Variants in CTSH observed in about 807,000 individuals in gnomAD.
CTSH encodes the protein cathepsin H, also known as pro-cathepsin H.
In CTSH, 52 loss-of-function variants were observed where a neutral mutation model predicts 56.3. The ratio of observed to expected loss-of-function variants is 0.92; its 90% confidence interval spans 0.74 to 1.16. The LOEUF (loss-of-function observed/expected upper bound fraction) is 1.16. Among genes scored for constraint, CTSH ranks in the 50% most tolerant of loss-of-function variants. CTSH has a pLI of 0.00. For missense variants in CTSH, 406 were observed against 424.5 expected, an observed-to-expected ratio of 0.96 and a Z score of 0.38; for synonymous variants, 174 against 155.7, an observed-to-expected ratio of 1.12 and a Z score of -0.88.
At chr15:78,943,104 T>C (rs3825932) in intron 1 of CTSH, among the ~76,000 whole-genome samples, 76,365 of 151,994 alleles carry the variant, frequency 0.5, 22,662 homozygotes, top group Non-Finnish European at 0.68. Flanking sequence ...AGTTTGCCTC[T>C]GGAGAGATTA....
chr15:78,925,200 G>A (rs962749747), intron 10 of CTSH, 134 bp downstream of exon 10: 1 of 613,746 alleles, frequency 1.6e-6, no homozygotes, highest in Non-Finnish European at 3.0e-6. Context: ...AAAACGCCCA[G>A]CACCTGGCAG....
intron 11 of CTSH, 94 bp from the exon 12 acceptor site, chr15:78,922,299 G>T: frequency 1.1e-6 from 1 of 945,134 alleles, no homozygotes; most frequent in East Asian, 2.6e-5. Context: ...TGACTTCAGG[G>T]GTGAGACCCT....
intron 1 of CTSH, among the ~76,000 whole-genome samples, chr15:78,944,274 G>A (rs898140103): frequency 5.9e-5 from 9 of 152,212 alleles, no homozygotes; most frequent in Non-Finnish European, 1.0e-4. Flanking sequence ...CAGGATGCAA[G>A]GGCAGCACGA....
intron 4 of CTSH, 90 bp downstream of exon 4, chr15:78,935,590 T>C (rs550652033): frequency 8.9e-7 from 1 of 1,118,488 alleles, no homozygotes; most frequent in South Asian, 1.4e-5. Flanking sequence ...GGGATGGGAC[T>C]GAATCTGCCT....
intron 2 of CTSH, among the ~76,000 whole-genome samples, chr15:78,938,335 C>T (rs1224903705): frequency 6.6e-6 from 1 of 151,788 alleles, no homozygotes; most frequent in East Asian, 1.9e-4. Flanking sequence ...TGCCACTGCA[C>T]TTCAGCCTGG....
At chr15:78,941,561 G>A (rs1730594328) in intron 1 of CTSH, among the ~76,000 whole-genome samples, 1 of 152,008 alleles carries the variant, frequency 6.6e-6, no homozygotes, top group Admixed American at 6.6e-5. Context: ...GAGAGGCTGA[G>A]ACGGGCGGAT....
At chr15:78,923,585 G>T (rs529918178) in intron 10 of CTSH, among the ~76,000 whole-genome samples, 1 of 152,044 alleles carries the variant, frequency 6.6e-6, no homozygotes, top group African/African-American at 2.4e-5. Context: ...CACCGCACCC[G>T]GCCCTTTCAG....
intron 7 of CTSH, among the ~76,000 whole-genome samples, chr15:78,930,513 C>T (rs891012308): frequency 1.3e-5 from 2 of 150,780 alleles, no homozygotes; most frequent in East Asian, 1.9e-4. Context: ...GGCAACAGAG[C>T]GAGACTCCAT....
rs1319843128 is a variant in CTSH at position 78,944,927 on chromosome 15, C to T, written c.55G>A (p.Val19Ile). 1 of 1,548,540 alleles carries T rather than the reference C, an allele frequency of 6.5e-7. No homozygotes were observed. The highest frequency in any genetic ancestry group is 2.5e-5 in the East Asian group (1 of 40,812). Residue 19 changes from valine to isoleucine, a missense_variant, in exon 1 of 12, where the codon GTC becomes ATC. By Grantham distance (29) the Val-to-Ile change is conservative. Transcript: ENST00000220166. The part of the protein sequence containing the change: ...CAGAWLLGVP[V>I]CGAAELCVNS... The stretch of plus-strand genomic sequence containing the variant: ...ACGCACAGTTCGGCGGCACCGCAGA[C>T]GGGGACTCCCAGGAGCCAGGCCCCG...
At chr15:78,939,269 A>G in intron 1 of CTSH, 98 bp from the exon 2 acceptor site, 1 of 942,258 alleles carries the variant, frequency 1.1e-6, no homozygotes, top group South Asian at 1.6e-5. Context: ...ATTTTCGAAA[A>G]CTGGACTAAA....
chr15:78,928,186 A>AGGC (rs879594082), intron 8 of CTSH, among the ~76,000 whole-genome samples: 17,694 of 152,148 alleles, frequency 0.12, 1,152 homozygotes, highest in Middle Eastern at 0.2. Context: ...GCAGGAGAGA[A>AGGC]GGCAGCAGGA....
intron 10 of CTSH, 28 bp downstream of exon 10, chr15:78,925,306 C>T (rs137865366): frequency 3.4e-6 from 5 of 1,457,534 alleles, no homozygotes; most frequent in East Asian, 4.5e-5. Context: ...CCCCACTGTC[C>T]CTCCTGGCTC....
At chr15:78,936,242 C>T (rs538223068) in intron 3 of CTSH, among the ~76,000 whole-genome samples, 167 of 146,614 alleles carry the variant, frequency 1.1e-3, no homozygotes, top group South Asian at 1.1e-3. Context: ...GAGGCAGGGA[C>T]GCGATCTTGG....
At position 78,932,288 on chromosome 15, in the gene CTSH, C is replaced by T. The variant is rs147587459; in HGVS notation, c.492+84G>A. ...CCTGAAACAGCACCCTTAGCCAATG[C>T]TCCAGGGAAACCAAAGGCCCAGGCC... On this transcript the variant is annotated intron_variant, in intron 6 of 11. Coordinates refer to ENST00000220166, the MANE Select transcript of CTSH (RefSeq NM_004390.5). The T allele has an allele frequency of 3.1e-5, 40 of 1,271,564 alleles. No homozygotes were observed. In the African/African-American group the frequency reaches 4.8e-4, roughly 15 times the overall value. The allele number at this position is 1,271,564 out of a possible 1,614,324, so 78.8% of individuals were successfully genotyped here.
In CTSH at chr15:78,935,737, T is replaced by C. The variant is rs1207770696; in HGVS notation, c.243A>G (p.Gln81=). 1 of 1,611,252 alleles carries C rather than the reference T, an allele frequency of 6.2e-7. No homozygotes were observed. Residue 81 remains glutamine (Q), a synonymous_variant, in exon 4 of 12, where the codon CAA becomes CAG. Transcript: ENST00000220166. ...GNHTFKMALN[Q]FSDMSFAEIK... is the part of the protein sequence containing the mutation. Reference sequence around the variant, plus strand: ...TTTCAGCAAAGCTCATGTCTGAAAATTGGTTCAGTGCCACTACAAAAGAGA... The same window carrying C: ...TTTCAGCAAAGCTCATGTCTGAAAACTGGTTCAGTGCCACTACAAAAGAGA...
At chr15:78,923,415 G>A (rs1030612818) in intron 10 of CTSH, among the ~76,000 whole-genome samples, 8 of 152,126 alleles carry the variant, frequency 5.3e-5, no homozygotes, top group Admixed American at 3.3e-4. Context: ...TCAGACTCCC[G>A]AGTAGCCTGA....
chr15:78,941,812 A>T (rs75495749), intron 1 of CTSH, among the ~76,000 whole-genome samples: 1 of 151,798 alleles, frequency 6.6e-6, no homozygotes, highest in African/African-American at 2.4e-5. Context: ...AAAAAAAAAA[A>T]TTTATTCTGG....
intron 5 of CTSH, among the ~76,000 whole-genome samples, chr15:78,932,932 C>G (rs764064181): frequency 7.2e-6 from 1 of 139,018 alleles, no homozygotes; most frequent in Non-Finnish European, 1.5e-5. Context: ...CTTCTCTCAC[C>G]TTTCCACCTC....
chr15:78,928,944 G>A (rs1687329722), intron 8 of CTSH, among the ~76,000 whole-genome samples: 3 of 151,994 alleles, frequency 2.0e-5, no homozygotes, highest in Admixed American at 2.0e-4. Flanking sequence ...AGGTCTTGGG[G>A]AAAGACAAGG....
Sources: allele counts gnomAD v4.1 joint callset (sites outside exome capture counted in the v4.1 genomes callset), GRCh38; gene constraint gnomAD v4.1.1; transcripts MANE v1.5; gene names NCBI Gene and HGNC (gene_info 2026-07-23, HGNC 2026-07-21).